The following LRMDA variants were observed in gnomAD, a reference collection of about 807,000 sequenced individuals.
LRMDA encodes leucine rich melanocyte differentiation associated, also known as leucine-rich melanocyte differentiation-associated protein.
In LRMDA, 18 loss-of-function variants were observed where a neutral mutation model predicts 29.8. That is an observed-to-expected ratio of 0.60 (90% CI 0.42 to 0.90). The LOEUF (loss-of-function observed/expected upper bound fraction) is 0.90, where lower values mean the gene tolerates loss of function less well. Among genes scored for constraint, LRMDA ranks in the 40% least tolerant of loss-of-function variants. The pLI is 0.00. For missense variants in LRMDA, 273 were observed against 273.9 expected (o/e 1.00, Z 0.02); for synonymous variants, 125 against 109.4 (o/e 1.14, Z -0.89).
chr10:75,891,203 T>A (rs1427305476), intron 2 of LRMDA, among the ~76,000 whole-genome samples: 1 of 152,166 alleles, frequency 6.6e-6, no homozygotes, highest in Non-Finnish European at 1.5e-5. Context: ...AGGAAGCTGT[T>A]GAGAGGTCCC....
chr10:76,246,262 C>T lies in LRMDA; in HGVS notation c.517-78139C>T, dbSNP rs73286971. On this transcript the variant is annotated intron_variant, in intron 5 of 6. Transcript: ENST00000611255. ...TGAGTTTGGTCTGAAATGGTCCTGG[C>T]GGACTGAAGGGAGGAAATGAAACTC... Among the ~76,000 whole-genome samples the T allele has an allele frequency of 8.8e-3, 1,334 of 152,168 alleles. 19 individuals are homozygous for T. The highest frequency in any genetic ancestry group is 0.03 in the African/African-American group (1,233 of 41,498).
intron 2 of LRMDA, among the ~76,000 whole-genome samples, chr10:75,903,105 A>G (rs761434908): frequency 2.0e-5 from 3 of 152,216 alleles, no homozygotes; most frequent in Non-Finnish European, 4.4e-5. Flanking sequence ...TAGAAAGTGA[A>G]TTGTGTTAAA....
At chr10:75,527,706 A>G (rs1845428790) in intron 2 of LRMDA, among the ~76,000 whole-genome samples, 1 of 147,440 alleles carries the variant, frequency 6.8e-6, no homozygotes, top group Non-Finnish European at 1.5e-5. Context: ...TATAATTGTT[A>G]TATAATATAT....
intron 5 of LRMDA, among the ~76,000 whole-genome samples, chr10:76,204,801 A>T (rs1164974091): frequency 2.6e-5 from 4 of 152,192 alleles, no homozygotes; most frequent in African/African-American, 9.7e-5. Flanking sequence ...TTTCCGGAAG[A>T]ATGTTATTTG....
chr10:75,982,170 T>A lies in LRMDA; in HGVS notation c.132-53838T>A, dbSNP rs143957984. On this transcript the variant is annotated intron_variant, in intron 2 of 6. Transcript: ENST00000611255. ...TTTCCTTAGGGCATTTTTTACTTTA[T>A]TGAAGACTCTCTACAAACACAGTGC... Among the ~76,000 whole-genome samples, 11 of 152,318 alleles carry A rather than the reference T, an allele frequency of 7.2e-5. No homozygotes were observed. In the East Asian group the frequency reaches 2.1e-3, roughly 29 times the overall value.
chr10:76,018,712 T>TG (rs993268428), intron 2 of LRMDA, among the ~76,000 whole-genome samples: 13 of 108,674 alleles, frequency 1.2e-4, no homozygotes, highest in African/African-American at 4.0e-4. Context: ...AGACTACAGG[T>TG]GTGCGCCACC....
At chr10:75,796,103 A>T (rs1321232329) in intron 2 of LRMDA, among the ~76,000 whole-genome samples, 2 of 152,156 alleles carry the variant, frequency 1.3e-5, no homozygotes, top group Non-Finnish European at 2.9e-5. Context: ...TTTTAAATTC[A>T]TCAGGAGGTT....
chr10:75,999,283 C>T (rs573063463), intron 2 of LRMDA, among the ~76,000 whole-genome samples: 1 of 152,234 alleles, frequency 6.6e-6, no homozygotes, highest in East Asian at 1.9e-4. Context: ...CTGGCAAGTC[C>T]AGAATTAGTA....
chr10:76,368,992 C>A (rs1476427054), intron 6 of LRMDA, among the ~76,000 whole-genome samples: 1 of 152,036 alleles, frequency 6.6e-6, no homozygotes, highest in South Asian at 2.1e-4. Context: ...TATGTGAGTT[C>A]TTATGTGTTG....
chr10:75,440,245 G>A lies in LRMDA; in HGVS notation c.131+1751G>A, dbSNP rs1482738892. 3.4e-5 allele frequency among the ~76,000 whole-genome samples: 5 copies of A among 147,590 alleles called. No homozygotes were observed. In the East Asian group the frequency reaches 7.9e-4, roughly 23 times the overall value. On this transcript the variant is annotated intron_variant, in intron 2 of 6. Coordinates refer to ENST00000611255, the MANE Select transcript of LRMDA (RefSeq NM_001305581.2). ...CACATACTAGATGCAGGAAAATTTC[G>A]TAAGGGGGTGGCTGAAAAGTGGATT...
intron 5 of LRMDA, among the ~76,000 whole-genome samples, chr10:76,181,098 C>A (rs1851041056): frequency 6.6e-6 from 1 of 152,200 alleles, no homozygotes; most frequent in Non-Finnish European, 1.5e-5. Flanking sequence ...CTAGGATGGA[C>A]CTGGATCCCC....
intron 5 of LRMDA, among the ~76,000 whole-genome samples, chr10:76,227,631 C>G (rs772017024): frequency 1.9e-4 from 29 of 152,288 alleles, no homozygotes; most frequent in Non-Finnish European, 2.6e-4. Flanking sequence ...AACTGAATTT[C>G]CCCTTTGATA....
chr10:76,368,964 A>G (rs1417340719), intron 6 of LRMDA, among the ~76,000 whole-genome samples: 1 of 151,120 alleles, frequency 6.6e-6, no homozygotes, highest in African/African-American at 2.4e-5. Context: ...GCCTTTTTCC[A>G]CTCCTTCACT....
At chr10:75,689,717 C>G (rs1287767706) in intron 2 of LRMDA, among the ~76,000 whole-genome samples, 2 of 152,166 alleles carry the variant, frequency 1.3e-5, no homozygotes, top group Admixed American at 6.5e-5. Context: ...TGAAATGAGT[C>G]CATTCATTAT....
chr10:76,117,336 A>G (rs910837101), intron 5 of LRMDA, among the ~76,000 whole-genome samples: 3 of 152,196 alleles, frequency 2.0e-5, no homozygotes, highest in Admixed American at 6.5e-5. Context: ...GTGGTTGATT[A>G]TGTACAATTT....
chr10:75,782,502 G>T (rs1365336844), intron 2 of LRMDA, among the ~76,000 whole-genome samples: 1 of 152,018 alleles, frequency 6.6e-6, no homozygotes, highest in Non-Finnish European at 1.5e-5. Context: ...TTTTTCACCG[G>T]CTTCTTCCAC....
intron 2 of LRMDA, among the ~76,000 whole-genome samples, chr10:75,545,235 A>T (rs1190638885): frequency 6.6e-6 from 1 of 152,206 alleles, no homozygotes; most frequent in African/African-American, 2.4e-5. Flanking sequence ...GCACTATGAC[A>T]TATAGAAATG....
chr10:76,098,148 G>A (rs1480176270), intron 5 of LRMDA, among the ~76,000 whole-genome samples: 1 of 151,958 alleles, frequency 6.6e-6, no homozygotes, highest in Non-Finnish European at 1.5e-5. Context: ...TCTGATTTTG[G>A]TGTCAGTGTG....
intron 2 of LRMDA, among the ~76,000 whole-genome samples, chr10:75,662,353 A>G (rs1296417980): frequency 1.3e-5 from 2 of 152,212 alleles, no homozygotes; most frequent in African/African-American, 2.4e-5. Context: ...GGATGCTACT[A>G]CAGGTTTCGT....
Sources: gnomAD v4.1 joint callset for allele counts (sites outside exome capture counted in the v4.1 genomes callset) on GRCh38, gnomAD v4.1.1 for gene constraint, MANE v1.5 for transcripts, NCBI Gene and HGNC (gene_info 2026-07-23, HGNC 2026-07-21) for gene names.